LUZP2: variants seen among roughly 807,000 people sequenced by gnomAD.
The protein encoded by LUZP2 is leucine zipper protein 2.
Under a neutral mutation model 51.6 loss-of-function variants are expected in LUZP2, and 52 were observed. That is an observed-to-expected ratio of 1.01 (90% confidence interval 0.81 to 1.27). The LOEUF is 1.27. LUZP2 is among the 50% of genes most tolerant of loss of function. LUZP2 has a pLI of 0.00. For synonymous variants in LUZP2, 154 were observed against 137.3 expected, an observed-to-expected ratio of 1.12 and a Z score of -0.85; for missense variants, 436 against 395.4, an observed-to-expected ratio of 1.10 and a Z score of -0.87.
At position 25,029,988 on chromosome 11, in the gene LUZP2, T is replaced by C. The variant is rs996606466; in HGVS notation, c.766-20050T>C. On this transcript the variant is annotated intron_variant, in intron 9 of 11. Transcript: ENST00000336930. ...CATAACATAATAAAACAAGCACACA[T>C]AGATTTACCAACCAACATAACCACA... Among the ~76,000 whole-genome samples, 6 of 152,124 alleles carry C rather than the reference T, an allele frequency of 3.9e-5. No homozygotes were observed. In the East Asian group the frequency reaches 1.2e-3, roughly 29 times the overall value.
intron 7 of LUZP2, among the ~76,000 whole-genome samples, chr11:24,969,055 G>A (rs1316291659): frequency 6.6e-6 from 1 of 152,068 alleles, no homozygotes; most frequent in Non-Finnish European, 1.5e-5. Context: ...ATGTTGCATA[G>A]GTAAACCCTT....
intron 7 of LUZP2, among the ~76,000 whole-genome samples, chr11:24,936,003 A>G (rs1022489498): frequency 6.6e-6 from 1 of 152,180 alleles, no homozygotes; most frequent in African/African-American, 2.4e-5. Context: ...TTTCAAAAGC[A>G]TATTTGTGAA....
Position 25,003,035 on chromosome 11 carries a change from C to T in LUZP2, c.765+19742C>T, listed in dbSNP as rs373961467. ...CTGTATTCATTCCTTACGGAGGGCC[C>T]TGGTTCCTCTGGCTAAAATTAGGCC... On this transcript the variant is annotated intron_variant, in intron 9 of 11. Transcript: ENST00000336930. Among the ~76,000 whole-genome samples the T allele has an allele frequency of 8.4e-4, 128 of 152,286 alleles. 1 individual carries two copies. The highest frequency in any genetic ancestry group is 2.9e-3 in the African/African-American group (121 of 41,572).
At chr11:24,859,821 A>G (rs1353315946) in intron 5 of LUZP2, among the ~76,000 whole-genome samples, 1 of 152,172 alleles carries the variant, frequency 6.6e-6, no homozygotes, top group Non-Finnish European at 1.5e-5. Context: ...TGCTTTTTCC[A>G]CTGAACTGTG....
chr11:24,682,260 C>T (rs1856759364), intron 1 of LUZP2, among the ~76,000 whole-genome samples: 1 of 151,844 alleles, frequency 6.6e-6, no homozygotes, highest in African/African-American at 2.4e-5. Flanking sequence ...TTTGGGAGAC[C>T]TAGGTGGGCA....
chr11:24,715,103 G>T (rs1857985516), intron 1 of LUZP2, among the ~76,000 whole-genome samples: 2 of 152,084 alleles, frequency 1.3e-5, no homozygotes, highest in African/African-American at 4.8e-5. Flanking sequence ...TGGTATATCT[G>T]GGCGTAAGTG....
intron 9 of LUZP2, among the ~76,000 whole-genome samples, chr11:24,993,071 T>C (rs1350267344): frequency 1.3e-5 from 2 of 152,194 alleles, no homozygotes; most frequent in Non-Finnish European, 2.9e-5. Context: ...TCTATTGATA[T>C]ATAAATTATC....
chr11:24,985,003 T>C (rs1162997433), intron 9 of LUZP2, among the ~76,000 whole-genome samples: 1 of 151,690 alleles, frequency 6.6e-6, no homozygotes, highest in African/African-American at 2.4e-5. Context: ...ATGATGTTTC[T>C]AGAAAATTCA....
intron 1 of LUZP2, among the ~76,000 whole-genome samples, chr11:24,597,431 C>G (rs1853479562): frequency 6.6e-6 from 1 of 152,156 alleles, no homozygotes; most frequent in South Asian, 2.1e-4. Flanking sequence ...AGCGTACAGC[C>G]TATACATTCA....
chr11:24,997,956 T>A (rs1856557542), intron 9 of LUZP2, among the ~76,000 whole-genome samples: 1 of 152,184 alleles, frequency 6.6e-6, no homozygotes, highest in Non-Finnish European at 1.5e-5. Context: ...TTCTGAGGGC[T>A]CTGTTCTGTT....
At position 24,566,326 on chromosome 11, in the gene LUZP2, ATTTTTT is replaced by A. The variant is rs869144004; in HGVS notation, c.62+69038_62+69043del. 4.6e-3 allele frequency among the ~76,000 whole-genome samples: 427 copies of A among 93,010 alleles called. 5 individuals carry two copies. Among genetic ancestry groups the A allele is most frequent in the African/African-American group, 0.015 (395 of 25,950 alleles). The allele number at this position is 93,010 out of a possible 152,430, so 61.0% of individuals were successfully genotyped here. On this transcript the variant is annotated intron_variant, in intron 1 of 11. Coordinates refer to ENST00000336930, the MANE Select transcript of LUZP2 (RefSeq NM_001009909.4). ...TATTTATTTATTGTATTATTTATTT[ATTTTTT>A]TTTTTTTTTTTTTTTTGAGACGTAG...
chr11:24,599,493 C>G (rs1214794473), intron 1 of LUZP2, among the ~76,000 whole-genome samples: 2 of 152,140 alleles, frequency 1.3e-5, no homozygotes, highest in Non-Finnish European at 1.5e-5. Context: ...TTGTATGTAT[C>G]CTCCACATCT....
intron 4 of LUZP2, among the ~76,000 whole-genome samples, chr11:24,762,027 C>T (rs1360715356): frequency 1.3e-5 from 2 of 152,008 alleles, no homozygotes; most frequent in Non-Finnish European, 1.5e-5. Context: ...ATAAAAGGGT[C>T]TGAAGAAAAT....
intron 7 of LUZP2, among the ~76,000 whole-genome samples, chr11:24,944,602 G>T (rs981736225): frequency 2.0e-5 from 3 of 152,152 alleles, no homozygotes; most frequent in African/African-American, 7.2e-5. Context: ...GGTTACTTAA[G>T]AAATATTTTG....
intron 5 of LUZP2, among the ~76,000 whole-genome samples, chr11:24,863,793 C>T (rs2403986): frequency 0.54 from 81,429 of 151,932 alleles, 23,442 homozygotes; most frequent in Middle Eastern, 0.66. Context: ...TTCACTCAAC[C>T]TCAGCAGCCT....
chr11:24,691,976 T>C (rs1857081750), intron 1 of LUZP2, among the ~76,000 whole-genome samples: 1 of 152,082 alleles, frequency 6.6e-6, no homozygotes, highest in Non-Finnish European at 1.5e-5. Flanking sequence ...TATGCAATTA[T>C]TTTTATATAG....
At chr11:24,933,940 A>G (rs929648461) in intron 7 of LUZP2, among the ~76,000 whole-genome samples, 2 of 152,148 alleles carry the variant, frequency 1.3e-5, no homozygotes, top group African/African-American at 4.8e-5. Flanking sequence ...GGAGAATATT[A>G]CAAAGTACCT....
At chr11:25,018,049 T>TTTTTTTTTTTTTTTTTTTTTTTTG (rs1857211364) in intron 9 of LUZP2, among the ~76,000 whole-genome samples, 1 of 100,966 alleles carries the variant, frequency 9.9e-6, no homozygotes, top group Non-Finnish European at 2.1e-5. Flanking sequence ...TTTTTTTTTG[T>TTTTTTTTTTTTTTTTTTTTTTTTG]TTTTTTTTTT....
chr11:24,595,882 C>G (rs190924594), intron 1 of LUZP2, among the ~76,000 whole-genome samples: 68 of 152,242 alleles, frequency 4.5e-4, no homozygotes, highest in African/African-American at 1.6e-3. Flanking sequence ...CACCCTGGCT[C>G]CAGACTGAGA....
Sources: allele counts gnomAD v4.1 joint callset (sites outside exome capture counted in the v4.1 genomes callset), GRCh38; gene constraint gnomAD v4.1.1; transcripts MANE v1.5; gene names NCBI Gene and HGNC (gene_info 2026-07-23, HGNC 2026-07-21).